The following OSMR variants were observed in gnomAD, a reference collection of about 807,000 sequenced individuals.
The protein encoded by OSMR is oncostatin-M-specific receptor subunit beta.
Under a neutral mutation model 99.9 loss-of-function variants are expected in OSMR, and 81 were observed. That is an observed-to-expected ratio of 0.81 (90% CI 0.68 to 0.97). The LOEUF is 0.97. OSMR is among the 50% of genes least tolerant of loss of function. The pLI, the probability that OSMR is intolerant of heterozygous loss-of-function variation, is 0.00. For missense variants in OSMR, 1,099 were observed against 1,153.4 expected (o/e 0.95, Z 0.68); for synonymous variants, 406 against 410.4 (o/e 0.99, Z 0.13).
intron 10 of OSMR, among the ~76,000 whole-genome samples, chr5:38,918,123 C>G (rs1416333034): frequency 1.3e-5 from 2 of 152,036 alleles, no homozygotes; most frequent in African/African-American, 2.4e-5. Flanking sequence ...AGAGTTGGCT[C>G]TGGTCTCAAC....
chr5:38,907,840 G>A (rs982479573), intron 9 of OSMR, among the ~76,000 whole-genome samples: 5 of 152,166 alleles, frequency 3.3e-5, no homozygotes, highest in African/African-American at 4.8e-5. Context: ...CAGTGCACAC[G>A]TGTGGGTGGA....
At chr5:38,903,191 A>C (rs1745006709) in intron 7 of OSMR, among the ~76,000 whole-genome samples, 1 of 152,206 alleles carries the variant, frequency 6.6e-6, no homozygotes. Flanking sequence ...ACTCATACAC[A>C]ACAAGTTACG....
At chr5:38,882,607 G>T (rs1308575594) in intron 4 of OSMR, among the ~76,000 whole-genome samples, 5 of 151,624 alleles carry the variant, frequency 3.3e-5, no homozygotes, top group African/African-American at 1.2e-4. Context: ...ACAGATGGTG[G>T]ACTCAAATTG....
At chr5:38,904,723 T>G (rs1351835519) in intron 9 of OSMR, among the ~76,000 whole-genome samples, 1 of 152,222 alleles carries the variant, frequency 6.6e-6, no homozygotes, top group Non-Finnish European at 1.5e-5. Context: ...GCCTATCTTC[T>G]CTCTTACCTT....
chr5:38,863,379 AT>A (rs1310974059), intron 1 of OSMR, among the ~76,000 whole-genome samples: 1 of 151,726 alleles, frequency 6.6e-6, no homozygotes, highest in Non-Finnish European at 1.5e-5. Flanking sequence ...CTCTACAAAA[AT>A]ACAAAAATTA....
At chr5:38,890,074 A>T (rs900089697) in intron 7 of OSMR, among the ~76,000 whole-genome samples, 35 of 152,276 alleles carry the variant, frequency 2.3e-4, no homozygotes, top group African/African-American at 7.5e-4. Flanking sequence ...ATGAAATTTT[A>T]TTTTTTTGTT....
chr5:38,926,636 G>T (rs990577655), intron 15 of OSMR, among the ~76,000 whole-genome samples: 7 of 152,148 alleles, frequency 4.6e-5, no homozygotes, highest in Middle Eastern at 3.2e-3. Flanking sequence ...ATCCCACGGG[G>T]TCCCTCCCAG....
In OSMR at chr5:38,883,460, AC is replaced by A. The variant is rs757973181; in HGVS notation, c.419-366del. Among the ~76,000 whole-genome samples the A allele has an allele frequency of 8.5e-5, 13 of 152,356 alleles. No homozygotes were observed. In the South Asian group the frequency reaches 1.4e-3, roughly 17 times the overall value. On this transcript the variant is annotated intron_variant, in intron 4 of 17. Coordinates refer to ENST00000274276, the MANE Select transcript of OSMR (RefSeq NM_003999.3). ...CTTACCTGACCTGTTGTTGTAAGGT[AC>A]TAAGAACGACATGAGATAATGTACA...
chr5:38,853,584 A>C (rs1002128814), intron 1 of OSMR, among the ~76,000 whole-genome samples: 6 of 152,216 alleles, frequency 3.9e-5, no homozygotes, highest in African/African-American at 1.2e-4. Flanking sequence ...CTGTGATCTC[A>C]AAAGTGATTT....
chr5:38,873,975 C>T (rs908704754), intron 2 of OSMR, among the ~76,000 whole-genome samples: 1 of 151,998 alleles, frequency 6.6e-6, no homozygotes, highest in Non-Finnish European at 1.5e-5. Flanking sequence ...TGAGACTACA[C>T]GTGCCATGAC....
intron 9 of OSMR, among the ~76,000 whole-genome samples, chr5:38,912,677 A>G (rs571304281): frequency 6.6e-6 from 1 of 152,316 alleles, no homozygotes; most frequent in South Asian, 2.1e-4. Flanking sequence ...TTCAAACTAT[A>G]CTACAAGATT....
chr5:38,890,537 G>GTAC (rs1744084017), intron 7 of OSMR, among the ~76,000 whole-genome samples: 4 of 151,544 alleles, frequency 2.6e-5, no homozygotes, highest in African/African-American at 7.3e-5. Flanking sequence ...CTGAAAGGAT[G>GTAC]ACTCTTAGGT....
chr5:38,893,492 G>A (rs1744291240), intron 7 of OSMR, among the ~76,000 whole-genome samples: 2 of 152,156 alleles, frequency 1.3e-5, no homozygotes, highest in African/African-American at 4.8e-5. Flanking sequence ...AAATCAATTA[G>A]AACTACTGGG....
intron 7 of OSMR, among the ~76,000 whole-genome samples, chr5:38,892,900 C>T (rs1301192143): frequency 6.9e-6 from 1 of 145,644 alleles, no homozygotes; most frequent in Non-Finnish European, 1.6e-5. Context: ...AGTGCACTTA[C>T]AGGAGCTTCT....
At chr5:38,930,775 G>A (rs1040855160) in intron 15 of OSMR, among the ~76,000 whole-genome samples, 1 of 152,124 alleles carries the variant, frequency 6.6e-6, no homozygotes. Context: ...ATTCAGGGAG[G>A]TAAAGGAAGA....
At chr5:38,929,008 T>C (rs140839055) in intron 15 of OSMR, among the ~76,000 whole-genome samples, 10 of 152,298 alleles carry the variant, frequency 6.6e-5, no homozygotes, top group African/African-American at 2.2e-4. Context: ...CTTGTGACTA[T>C]TGATTATATT....
At chr5:38,888,007 G>A (rs959348581) in intron 7 of OSMR, among the ~76,000 whole-genome samples, 4 of 152,104 alleles carry the variant, frequency 2.6e-5, no homozygotes, top group African/African-American at 9.7e-5. Flanking sequence ...GTGGTTTTAA[G>A]GAGTGAAAAG....
chr5:38,945,524 T>C, downstream of OSMR: 2 of 1,614,022 alleles, frequency 1.2e-6, no homozygotes, highest in Non-Finnish European at 1.7e-6. Flanking sequence ...AGTTGGTTGC[T>C]GGGCTGGAAA....
intron 1 of OSMR, among the ~76,000 whole-genome samples, chr5:38,852,791 C>T (rs1288900745): frequency 1.5e-4 from 19 of 126,896 alleles, no homozygotes; most frequent in African/African-American, 3.6e-4. Flanking sequence ...ACTGCAGTGG[C>T]GCTATCCTGG....
Sources: gnomAD v4.1 joint callset for allele counts (sites outside exome capture counted in the v4.1 genomes callset) on GRCh38, gnomAD v4.1.1 for gene constraint, MANE v1.5 for transcripts, NCBI Gene and HGNC (gene_info 2026-07-23, HGNC 2026-07-21) for gene names.